The following TENM2 variants were observed in gnomAD, a reference collection of about 807,000 sequenced individuals.
The protein encoded by TENM2 is teneurin-2.
A neutral mutation model predicts 245.2 loss-of-function variants in TENM2; 52 were observed. The observed-to-expected ratio is 0.21, with a 90% CI of 0.17 to 0.27. The LOEUF is 0.27. Ranked by LOEUF, TENM2 falls within the 10% of genes least tolerant of loss-of-function variation. The probability of loss-of-function intolerance (pLI) is 1.00; values close to 1 mark genes in which losing one functional copy is unlikely to be tolerated. For synonymous variants in TENM2, 1,363 were observed against 1,438.9 expected (o/e 0.95, Z 1.19); for missense variants, 3,046 against 3,666.8 (o/e 0.83, Z 4.37).
chr5:167,145,875 C>T, the TENM2 span, among the ~76,000 whole-genome samples: 1 of 152,278 alleles, frequency 6.6e-6, no homozygotes, highest in South Asian at 2.1e-4. Context: ...ATGGGCACCA[C>T]TTGTATTCTT....
chr5:166,983,554 G>A, the TENM2 span, among the ~76,000 whole-genome samples: 1 of 152,098 alleles, frequency 6.6e-6, no homozygotes, highest in Non-Finnish European at 1.5e-5. Context: ...AAGTAACACA[G>A]CTAATATGTT....
chr5:168,072,879 A>T (rs1412882750), intron 7 of TENM2, among the ~76,000 whole-genome samples: 1 of 152,136 alleles, frequency 6.6e-6, no homozygotes, highest in East Asian at 1.9e-4. Flanking sequence ...AACAGCAAGG[A>T]TGCTGGCCGA....
Position 167,963,001 on chromosome 5 carries a change from A to G in TENM2, c.947+10179A>G, listed in dbSNP as rs528552022. 8.7e-4 allele frequency among the ~76,000 whole-genome samples: 132 copies of G among 152,350 alleles called. 1 individual carries two copies. In the South Asian group the frequency reaches 0.011, roughly 12 times the overall value. On this transcript the variant is annotated intron_variant, in intron 4 of 28. Transcript: ENST00000518659. ...GTACTGGCAAGATACTGATTAAAAC[A>G]TGTATTGTCCCATTAAAGATCGTCC...
intron 11 of TENM2, 38 bp from the exon 14 acceptor site, chr5:168,126,716 G>A: frequency 6.5e-7 from 1 of 1,548,910 alleles, no homozygotes; most frequent in Non-Finnish European, 8.8e-7. Flanking sequence ...GGTTTCACCA[G>A]CTGTGGTGTT....
chr5:167,054,195 T>C, the TENM2 span, among the ~76,000 whole-genome samples: 1 of 130,040 alleles, frequency 7.7e-6, no homozygotes, highest in Non-Finnish European at 1.6e-5. Context: ...GCTCTATTTA[T>C]TTCTATCTCC....
At chr5:167,084,158 C>A in the TENM2 span, among the ~76,000 whole-genome samples, 1 of 150,458 alleles carries the variant, frequency 6.6e-6, no homozygotes, top group Non-Finnish European at 1.5e-5. Flanking sequence ...CCAGAGATGC[C>A]ACATCACACT....
intron 2 of TENM2, among the ~76,000 whole-genome samples, chr5:167,670,622 A>G (rs1413699974): frequency 2.0e-5 from 3 of 152,122 alleles, no homozygotes; most frequent in African/African-American, 7.2e-5. Context: ...GATGGCACAG[A>G]CGATACTGAG....
rs566644625 is a variant in TENM2, at chr5:167,944,516, G to A, written c.713-8072G>A. Reference sequence around the variant, plus strand: ...TTTTAAGTGCTAGGCAGTGTGCCCCGTTTGAGATTGAACTTTGACTGGCTC... The same window carrying A: ...TTTTAAGTGCTAGGCAGTGTGCCCCATTTGAGATTGAACTTTGACTGGCTC... On this transcript the variant is annotated intron_variant, in intron 3 of 28. Coordinates refer to ENST00000518659, the Ensembl canonical transcript of TENM2. Among the ~76,000 whole-genome samples, 68 of 152,168 alleles carry A rather than the reference G, an allele frequency of 4.5e-4. No homozygotes were observed. The South Asian group carries it at 8.1e-3, about 18-fold the overall frequency.
intron 5 of TENM2, among the ~76,000 whole-genome samples, chr5:168,041,670 C>G (rs1183219451): frequency 6.6e-6 from 1 of 152,176 alleles, no homozygotes; most frequent in Non-Finnish European, 1.5e-5. Flanking sequence ...TCTACACCTG[C>G]CTCTAGAATG....
chr5:167,122,533 T>A, the TENM2 span, among the ~76,000 whole-genome samples: 1 of 152,228 alleles, frequency 6.6e-6, no homozygotes, highest in Non-Finnish European at 1.5e-5. Flanking sequence ...ATGAACCTAA[T>A]AAATCCAGGC....
intron 3 of TENM2, among the ~76,000 whole-genome samples, chr5:167,881,115 C>G (rs1773842258): frequency 6.6e-6 from 1 of 152,042 alleles, no homozygotes; most frequent in Non-Finnish European, 1.5e-5. Context: ...AACTTCTTCT[C>G]CTTATATATC....
intron 2 of TENM2, among the ~76,000 whole-genome samples, chr5:167,485,703 C>T (rs557300334): frequency 1.4e-4 from 21 of 151,920 alleles, no homozygotes; most frequent in Non-Finnish European, 2.5e-4. Flanking sequence ...GCCACTATGA[C>T]GCCAAATGCC....
chr5:168,032,961 T>C lies in TENM2; in HGVS notation c.1187-14466T>C, dbSNP rs377233719. On this transcript the variant is annotated intron_variant, in intron 5 of 28. Coordinates refer to ENST00000518659, the Ensembl canonical transcript of TENM2. ...ACACACTTCTGTATTACAATAGTTA[T>C]GTTCATTTCAATGTGTCACAAAAAT... 11 of 152,232 alleles carry C rather than the reference T, an allele frequency of 7.2e-5. No individual in the cohort carries two copies. The East Asian group carries it at 7.7e-4, about 11-fold the overall frequency. The allele number at this position is 152,232 out of a possible 1,614,324, so 9.4% of individuals were successfully genotyped here.
At chr5:168,225,765 AAAAAAAAAAAAAAAGAAAAGAAACAG>A (rs1764120353) in intron 23 of TENM2, among the ~76,000 whole-genome samples, 1 of 151,386 alleles carries the variant, frequency 6.6e-6, no homozygotes. Flanking sequence ...TCATCTCAAA[AAAAAAAAAAAAAAAGAAAAGAAACAG>A]AAAAGTAAGA....
chr5:167,290,110 T>TA, intron 1 of TENM2, among the ~76,000 whole-genome samples: 1 of 152,350 alleles, frequency 6.6e-6, no homozygotes, highest in Non-Finnish European at 1.5e-5. Flanking sequence ...TTTTCTTTTT[T>TA]AAAAAATATC....
chr5:168,125,487 A>G (rs1795783130), intron 11 of TENM2, among the ~76,000 whole-genome samples: 1 of 152,164 alleles, frequency 6.6e-6, no homozygotes, highest in South Asian at 2.1e-4. Flanking sequence ...GTCGCGCTGT[A>G]CACTTCATTT....
At chr5:167,211,377 A>G in the TENM2 span, among the ~76,000 whole-genome samples, 288 of 152,364 alleles carry the variant, frequency 1.9e-3, 3 homozygotes, top group African/African-American at 6.3e-3. Flanking sequence ...CTTTTATACT[A>G]CTTGATAAAA....
chr5:167,330,177 A>G (rs1186613171), intron 1 of TENM2, among the ~76,000 whole-genome samples: 1 of 152,204 alleles, frequency 6.6e-6, no homozygotes, highest in Non-Finnish European at 1.5e-5. Flanking sequence ...CTTATATTCA[A>G]ATAGCCAAAG....
intron 19 of TENM2, among the ~76,000 whole-genome samples, chr5:168,208,758 C>T (rs1285844410): frequency 1.3e-5 from 2 of 152,112 alleles, no homozygotes; most frequent in African/African-American, 4.8e-5. Context: ...GTCTTTTTAC[C>T]AAGGGTAGAA....
Sources: gnomAD v4.1 joint callset for allele counts (sites outside exome capture counted in the v4.1 genomes callset) on GRCh38, gnomAD v4.1.1 for gene constraint, MANE v1.5 for transcripts, NCBI Gene and HGNC (gene_info 2026-07-23, HGNC 2026-07-21) for gene names.